The following AKAP8L variants were observed in gnomAD, a reference collection of about 807,000 sequenced individuals.
AKAP8L encodes the protein A-kinase anchoring protein 8 like, also known as A-kinase anchor protein 8-like.
Under a neutral mutation model 77.5 loss-of-function variants are expected in AKAP8L, and 34 were observed. The ratio of observed to expected loss-of-function variants is 0.44; its 90% confidence interval spans 0.33 to 0.58. AKAP8L has a LOEUF of 0.58. AKAP8L is among the 20% of genes least tolerant of loss of function. The pLI is 0.02. For synonymous variants in AKAP8L, 342 were observed against 340.7 expected, an observed-to-expected ratio of 1.00 and a Z score of -0.04; for missense variants, 806 against 887.6, an observed-to-expected ratio of 0.91 and a Z score of 1.17.
chr19:15,396,425 A>G (rs1967777887), intron 12 of AKAP8L, among the ~76,000 whole-genome samples: 1 of 152,144 alleles, frequency 6.6e-6, no homozygotes, highest in Non-Finnish European at 1.5e-5. Flanking sequence ...TAGGCACTGG[A>G]GCAACACTGG....
intron 1 of AKAP8L, chr19:15,417,759 G>T (rs1846023851): frequency 6.6e-6 from 1 of 152,182 alleles, no homozygotes; most frequent in Non-Finnish European, 1.5e-5. Flanking sequence ...TAGAATGCAG[G>T]TTACCTGGCA....
At position 15,399,120 on chromosome 19, in the gene AKAP8L, G is replaced by T. The variant is rs1568267602; in HGVS notation, c.1157+182C>A. Reference sequence around the variant, plus strand: ...GCGGTCGCCAGGCGGCCGCAGAGGGGCAGGGGATGAGTCAGGCCTTGGGAG... The same window carrying T: ...GCGGTCGCCAGGCGGCCGCAGAGGGTCAGGGGATGAGTCAGGCCTTGGGAG... On this transcript the variant is annotated intron_variant, in intron 9 of 13. Transcript: ENST00000397410. The surrounding 1 kb of genome is among the most constrained non-coding windows in gnomAD (Gnocchi z 6.1). 1 of 620,038 alleles carries T rather than the reference G, an allele frequency of 1.6e-6. No homozygotes were observed. The highest frequency in any genetic ancestry group is 2.8e-6 in the Non-Finnish European group (1 of 354,742). The allele number at this position is 620,038 out of a possible 1,614,324, so 38.4% of individuals were successfully genotyped here. A position where few individuals can be genotyped will look rare whatever the true frequency, so the allele number is the denominator to read the frequency against.
chr19:15,412,500 C>T (rs1968123948), intron 1 of AKAP8L, among the ~76,000 whole-genome samples: 1 of 151,518 alleles, frequency 6.6e-6, no homozygotes, highest in South Asian at 2.1e-4. Context: ...CTGACACTTG[C>T]TTTAAAACTA....
chr19:15,407,673 A>G (rs1026699577), intron 2 of AKAP8L, among the ~76,000 whole-genome samples: 3 of 152,222 alleles, frequency 2.0e-5, no homozygotes, highest in African/African-American at 7.2e-5. Flanking sequence ...AGCATGAAAA[A>G]CTTGGCGTAA....
chr19:15,412,170 T>C (rs1968117442), intron 1 of AKAP8L, among the ~76,000 whole-genome samples: 1 of 152,184 alleles, frequency 6.6e-6, no homozygotes, highest in Non-Finnish European at 1.5e-5. Context: ...ATCATGCCAC[T>C]GCATTCCAGC....
In AKAP8L at chr19:15,400,848, C is replaced by T. The variant is rs781682703; in HGVS notation, c.930G>A (p.Gly310=). The T allele has an allele frequency of 7.4e-6, 12 of 1,614,022 alleles. No individual in the cohort carries two copies. Among genetic ancestry groups the T allele is most frequent in the Admixed American group, 1.7e-5 (1 of 60,022 alleles). The change falls in exon 7 of 14, where the codon GGG becomes GGA. Residue 310 remains glycine, a synonymous_variant. Transcript: ENST00000397410. ...TGCCTTCAAGGCCCTCTGTGGCTTC[C>T]CCCTCGGTGCCCTCATCTGAAAGGG... ...SDSDNDEGTE[G]EATEGLEGTE...
chr19:15,407,090 T>C (rs953423640), intron 2 of AKAP8L, among the ~76,000 whole-genome samples: 2 of 151,888 alleles, frequency 1.3e-5, no homozygotes, highest in Non-Finnish European at 2.9e-5. Flanking sequence ...ACCCCATCTC[T>C]AGAAAAAATA....
chr19:15,418,321 T>G (rs181207195), intron 1 of AKAP8L, among the ~76,000 whole-genome samples: 7 of 152,234 alleles, frequency 4.6e-5, no homozygotes, highest in African/African-American at 1.4e-4. Context: ...ACATGGAACC[T>G]TGTCATTCCT....
Position 15,398,615 on chromosome 19 carries a change from G to A in AKAP8L, c.1157+687C>T, listed in dbSNP as rs945298204. ...GGAGGCCAGCCGCCACCGAGACCTC[G>A]GGGCGGGTCCCTACCTCTGCCGGAC... On this transcript the variant is annotated intron_variant, in intron 9 of 13. Transcript: ENST00000397410. The surrounding 1 kb of genome is among the most constrained non-coding windows in gnomAD (Gnocchi z 9.2). 13 of 986,686 alleles carry A rather than the reference G, an allele frequency of 1.3e-5. No homozygotes were observed. The highest frequency in any genetic ancestry group is 3.5e-5 in the African/African-American group (2 of 57,248). 61.1% of individuals were successfully genotyped at this position (986,686 alleles called of 1,614,324 possible).
At chr19:15,418,058 C>T (rs1233481455) in intron 1 of AKAP8L, among the ~76,000 whole-genome samples, 2 of 152,212 alleles carry the variant, frequency 1.3e-5, no homozygotes, top group African/African-American at 4.8e-5. Flanking sequence ...GCAAAAGCTC[C>T]CTGGGCCAGA....
At chr19:15,408,576 A>AG (rs1968047054) in intron 2 of AKAP8L, among the ~76,000 whole-genome samples, 1 of 121,566 alleles carries the variant, frequency 8.2e-6, no homozygotes, top group Non-Finnish European at 1.7e-5. Context: ...AAAAAAAAAA[A>AG]AAAGAAAGAA....
intron 12 of AKAP8L, among the ~76,000 whole-genome samples, chr19:15,394,532 GT>G (rs963783000): frequency 1.0e-4 from 15 of 149,062 alleles, no homozygotes; most frequent in African/African-American, 3.4e-4. Context: ...CAATGAATTG[GT>G]TTTTTTTTTC....
At chr19:15,381,730 G>A (rs551826256) in intron 12 of AKAP8L, among the ~76,000 whole-genome samples, 1 of 152,044 alleles carries the variant, frequency 6.6e-6, no homozygotes, top group African/African-American at 2.4e-5. Context: ...ACTATAGACC[G>A]TTCCCCCAGT....
rs368458552 is a variant in AKAP8L, at chr19:15,397,648, T to C, written c.1300-23A>G. On this transcript the variant is annotated intron_variant, in intron 10 of 13. Transcript: ENST00000397410. This position sits in a 1 kb window ranked among gnomAD's most constrained non-coding sequence, Gnocchi z 4.7. Reference sequence around the variant, plus strand: ...CTCCTGCAAGGAATATAAAGGTTCATGTGGGCCGCCTTATGTTCTCAGGGG... The same window carrying C: ...CTCCTGCAAGGAATATAAAGGTTCACGTGGGCCGCCTTATGTTCTCAGGGG... 3.7e-5 allele frequency: 59 copies of C among 1,613,792 alleles called. No individual in the cohort carries two copies. Among genetic ancestry groups the C allele is most frequent in the African/African-American group, 8.0e-5 (6 of 74,900 alleles).
chr19:15,408,209 C>A (rs1445665475), intron 2 of AKAP8L, among the ~76,000 whole-genome samples: 1 of 152,092 alleles, frequency 6.6e-6, no homozygotes, highest in Non-Finnish European at 1.5e-5. Flanking sequence ...TCCAAGAGTC[C>A]AGAAATAGAC....
chr19:15,402,622 A>T (rs1295769123), intron 4 of AKAP8L, among the ~76,000 whole-genome samples: 2 of 152,018 alleles, frequency 1.3e-5, no homozygotes, highest in African/African-American at 4.8e-5. Context: ...CCTGTTCCAC[A>T]CCCTGCCACC....
At position 15,411,489 on chromosome 19, in the gene AKAP8L, C is replaced by T. The variant is rs964158330; in HGVS notation, c.14-895G>A. Among the ~76,000 whole-genome samples, 9 of 149,374 alleles carry T rather than the reference C, an allele frequency of 6.0e-5. No individual in the cohort carries two copies. The East Asian group carries it at 1.8e-3, about 30-fold the overall frequency. On this transcript the variant is annotated intron_variant, in intron 1 of 13. Coordinates refer to ENST00000397410, the MANE Select transcript of AKAP8L (RefSeq NM_014371.4). ...AAAAAAAAAAAAAAGCCAGCTGTGG[C>T]AGCATGTGCCTGTAGTCCTAGCTAC...
chr19:15,385,070 C>T (rs1284874638), intron 12 of AKAP8L, among the ~76,000 whole-genome samples: 2 of 152,028 alleles, frequency 1.3e-5, no homozygotes, highest in African/African-American at 4.8e-5. Context: ...CTCCGCCTCC[C>T]GAGTTCACGC....
chr19:15,397,421 C>G lies in AKAP8L; in HGVS notation c.1405+99G>C. The G allele has an allele frequency of 6.7e-7, 1 of 1,485,464 alleles. No individual in the cohort carries two copies. The highest frequency in any genetic ancestry group is 1.2e-5 in the South Asian group (1 of 85,128). The allele number at this position is 1,485,464 out of a possible 1,614,324, so 92.0% of individuals were successfully genotyped here. ...CCTGAGCCAAGGCTGGTCTCCTGAC[C>G]TTCCCTGGGGGAACAGAAGGGTGTC... On this transcript the variant is annotated intron_variant, in intron 11 of 13. Coordinates refer to ENST00000397410, the MANE Select transcript of AKAP8L (RefSeq NM_014371.4). This position sits in a 1 kb window ranked among gnomAD's most constrained non-coding sequence, Gnocchi z 4.7.
Sources: gnomAD v4.1 joint callset for allele counts (sites outside exome capture counted in the v4.1 genomes callset) on GRCh38, gnomAD v4.1.1 for gene constraint, Gnocchi (gnomAD v3.1) non-coding constraint, MANE v1.5 for transcripts, NCBI Gene and HGNC (gene_info 2026-07-23, HGNC 2026-07-21) for gene names.